Variants in HSD17B12 observed in about 807,000 individuals in gnomAD.
HSD17B12 encodes hydroxysteroid 17-beta dehydrogenase 12.
A neutral mutation model predicts 39.3 loss-of-function variants in HSD17B12; 32 were observed. The ratio of observed to expected loss-of-function variants is 0.81; its 90% CI spans 0.61 to 1.09. The LOEUF is 1.09. HSD17B12 is among the 50% of genes least tolerant of loss of function. HSD17B12 has a pLI of 0.00. For synonymous variants in HSD17B12, 150 were observed against 146.7 expected (o/e 1.02, Z -0.16); for missense variants, 342 against 382.9 (o/e 0.89, Z 0.89).
chr11:43,559,593 A>C, the HSD17B12 span: 7 of 155,900 alleles, frequency 4.5e-5, no homozygotes, highest in African/African-American at 1.7e-4. Context: ...CACATACACA[A>C]GGAAACAGAC....
intron 3 of HSD17B12, among the ~76,000 whole-genome samples, chr11:43,781,459 A>T (rs575378785): frequency 1.3e-5 from 2 of 152,184 alleles, no homozygotes; most frequent in Non-Finnish European, 2.9e-5. Flanking sequence ...ACAAATGCCA[A>T]ACTCATGAAC....
At chr11:43,707,979 G>A (rs1950030658) in intron 1 of HSD17B12, among the ~76,000 whole-genome samples, 1 of 152,142 alleles carries the variant, frequency 6.6e-6, no homozygotes, top group South Asian at 2.1e-4. Context: ...GCAGATGGCT[G>A]TCTTTCATTG....
At chr11:43,653,762 G>A in the HSD17B12 span, among the ~76,000 whole-genome samples, 3 of 152,100 alleles carry the variant, frequency 2.0e-5, no homozygotes, top group Non-Finnish European at 2.9e-5. Flanking sequence ...AGTATTCCAT[G>A]GTGTATATGT....
the HSD17B12 span, among the ~76,000 whole-genome samples, chr11:43,638,569 C>T: frequency 6.6e-6 from 1 of 152,094 alleles, no homozygotes; most frequent in Non-Finnish European, 1.5e-5. Context: ...ACTTGGTTTT[C>T]TTAAACGGAA....
rs542696235 is a variant in HSD17B12 at position 43,741,803 on chromosome 11, G to A, written c.161-9108G>A. ...GGCTGGAATGCAGTGGCGCGACCTCGGCTCACTGCAACCTCCCCCTCTTGG... is the reference window on the plus strand; with the variant it reads ...GGCTGGAATGCAGTGGCGCGACCTCAGCTCACTGCAACCTCCCCCTCTTGG... On this transcript the variant is annotated intron_variant, in intron 1 of 10. Coordinates refer to ENST00000278353, the MANE Select transcript of HSD17B12 (RefSeq NM_016142.3). Among the ~76,000 whole-genome samples, 330 of 144,264 alleles carry A rather than the reference G, an allele frequency of 2.3e-3. 2 individuals are homozygous for A. The Middle Eastern group carries it at 0.029, about 12-fold the overall frequency. The allele number at this position is 144,264 out of a possible 152,430, so 94.6% of individuals were successfully genotyped here.
chr11:43,586,403 G>A, the HSD17B12 span, among the ~76,000 whole-genome samples: 1 of 152,182 alleles, frequency 6.6e-6, no homozygotes, highest in African/African-American at 2.4e-5. Flanking sequence ...TAGTATTGGT[G>A]TCTTTCAAAA....
chr11:43,613,124 C>T, the HSD17B12 span, among the ~76,000 whole-genome samples: 1 of 152,088 alleles, frequency 6.6e-6, no homozygotes, highest in African/African-American at 2.4e-5. Flanking sequence ...ATATTCTTGG[C>T]CGGGCACAGT....
chr11:43,617,621 C>A, the HSD17B12 span, among the ~76,000 whole-genome samples: 1 of 152,090 alleles, frequency 6.6e-6, no homozygotes, highest in African/African-American at 2.4e-5. Flanking sequence ...CAGTAGCTGT[C>A]GAACTAAACT....
At position 43,815,474 on chromosome 11, in the gene HSD17B12, CT is replaced by C; in HGVS notation, c.434del (p.Leu145TrpfsTer9). On this transcript the variant is annotated frameshift_variant, in exon 5 of 11. Coordinates refer to ENST00000278353, the MANE Select transcript of HSD17B12 (RefSeq NM_016142.3). LOFTEE classifies it high-confidence loss of function. ...VGMSYEYPEY[F>X]LDVPDLDNVI... ...GAATGTCGTATGAGTATCCTGAATA[CT>C]TTTTGGATGTTCCTGACTTGGACAA... is the stretch of plus-strand genomic sequence containing the variant. 6.3e-7 allele frequency: 1 copy of C among 1,580,366 alleles called. No homozygotes were observed. Among genetic ancestry groups the C allele is most frequent in the Non-Finnish European group, 8.6e-7 (1 of 1,156,472 alleles).
chr11:43,793,311 AG>A (rs960424882), intron 3 of HSD17B12, among the ~76,000 whole-genome samples: 1 of 152,226 alleles, frequency 6.6e-6, no homozygotes, highest in Admixed American at 6.5e-5. Flanking sequence ...TAAAACTTAC[AG>A]GGGAAGGCAG....
intron 3 of HSD17B12, among the ~76,000 whole-genome samples, chr11:43,795,420 T>C (rs1009628944): frequency 1.3e-5 from 2 of 152,208 alleles, no homozygotes; most frequent in South Asian, 2.1e-4. Context: ...CCTATTCTTA[T>C]ATATGCACAT....
chr11:43,637,924 G>A, the HSD17B12 span, among the ~76,000 whole-genome samples: 6 of 152,298 alleles, frequency 3.9e-5, no homozygotes, highest in East Asian at 1.2e-3. Context: ...GTAATAATTA[G>A]CAAATTATTA....
upstream of HSD17B12, among the ~76,000 whole-genome samples, chr11:43,679,228 T>C (rs529439374): frequency 3.2e-4 from 49 of 152,178 alleles, no homozygotes; most frequent in Non-Finnish European, 3.8e-4. Flanking sequence ...ATGATTTGGC[T>C]CTCTGTTTGT....
the HSD17B12 span, among the ~76,000 whole-genome samples, chr11:43,665,694 A>G: frequency 2.0e-5 from 3 of 152,154 alleles, no homozygotes; most frequent in African/African-American, 7.2e-5. Flanking sequence ...AAGGTCACAC[A>G]ACTGAGGGCT....
chr11:43,833,792 A>G (rs1159337761), intron 7 of HSD17B12: 6 of 152,124 alleles, frequency 3.9e-5, no homozygotes, highest in African/African-American at 1.2e-4. Context: ...AGATTTTCCA[A>G]ACCCTCTAGA....
the HSD17B12 span, among the ~76,000 whole-genome samples, chr11:43,672,344 C>T: frequency 2.0e-5 from 3 of 152,178 alleles, no homozygotes; most frequent in South Asian, 6.2e-4. Flanking sequence ...CCACCGCTCC[C>T]GGCCTAGCCC....
chr11:43,768,079 CA>C (rs1311721040), intron 3 of HSD17B12, among the ~76,000 whole-genome samples: 3 of 152,178 alleles, frequency 2.0e-5, no homozygotes, highest in African/African-American at 7.2e-5. Context: ...GTGAATGGCA[CA>C]ACTAACTGAG....
intron 3 of HSD17B12, among the ~76,000 whole-genome samples, chr11:43,769,455 A>G (rs1950629056): frequency 6.6e-6 from 1 of 152,222 alleles, no homozygotes; most frequent in South Asian, 2.1e-4. Flanking sequence ...AGACCTGGCA[A>G]CGTCACCCAG....
chr11:43,762,161 T>G (rs1950560175), intron 3 of HSD17B12, among the ~76,000 whole-genome samples: 1 of 147,640 alleles, frequency 6.8e-6, no homozygotes, highest in African/African-American at 2.4e-5. Flanking sequence ...CCATGAGGGT[T>G]AGTGAAAAAT....
Sources: gnomAD v4.1 joint callset for allele counts (sites outside exome capture counted in the v4.1 genomes callset) on GRCh38, gnomAD v4.1.1 for gene constraint, MANE v1.5 for transcripts, NCBI Gene and HGNC (gene_info 2026-07-23, HGNC 2026-07-21) for gene names.